The following DUOX2 variants were observed in gnomAD, a reference collection of about 807,000 sequenced individuals.
DUOX2 encodes the protein NADH/NADPH thyroid oxidase p138-tox.
In DUOX2, 185 loss-of-function variants were observed where a neutral mutation model predicts 183.3. The observed-to-expected ratio is 1.01, with a 90% CI of 0.90 to 1.14. The LOEUF is 1.14. DUOX2 is among the 50% of genes most tolerant of loss of function. The pLI, the probability that DUOX2 is intolerant of heterozygous loss-of-function variation, is 0.00. For missense variants in DUOX2, 1,999 were observed against 2,022.9 expected (o/e 0.99, Z 0.23); for synonymous variants, 788 against 812.4 (o/e 0.97, Z 0.51).
At chr15:45,101,559 G>C (rs906275319) in intron 21 of DUOX2, 7 of 628,858 alleles carry the variant, frequency 1.1e-5, no homozygotes, top group Non-Finnish European at 2.0e-5. Context: ...AGCAATGCCG[G>C]TGGCTTTGAG....
intron 11 of DUOX2, 109 bp from the exon 12 acceptor site, chr15:45,109,061 C>G: frequency 7.2e-7 from 1 of 1,385,860 alleles, no homozygotes; most frequent in East Asian, 2.4e-5. Context: ...CTGGCTACCC[C>G]CAGTGATCCA....
Position 45,100,196 on chromosome 15 carries a change from T to C in DUOX2, c.3038A>G (p.Glu1013Gly). ...AAVPTPRLYT[E>G]ALQEKMQRGF... ...TCGCTGCATCTTCTCTTGCAGCGCC[T>C]CTGTGTACAGCCGGGGAGTGGGCAC... The change falls in exon 24 of 34, where the codon GAG becomes GGG. Residue 1013 changes from glutamate to glycine, a missense_variant. Coordinates refer to ENST00000389039, the MANE Select transcript of DUOX2 (RefSeq NM_001363711.2). 1 of 1,614,072 alleles carries C rather than the reference T, an allele frequency of 6.2e-7. No homozygotes were observed. The highest frequency in any genetic ancestry group is 1.1e-5 in the South Asian group (1 of 91,086).
rs1894090980 is a variant in DUOX2 at position 45,101,852 on chromosome 15, T to TG, written c.2791dup (p.His931ProfsTer2). 1 of 1,614,242 alleles carries TG rather than the reference T, an allele frequency of 6.2e-7. No individual in the cohort carries two copies. The highest frequency in any genetic ancestry group is 1.3e-5 in the African/African-American group (1 of 75,064). On this transcript the variant is annotated frameshift_variant, in exon 21 of 34. Transcript: ENST00000389039. LOFTEE classifies it high-confidence loss of function. The stretch of plus-strand genomic sequence containing the variant: ...CTGCGTGAAGCGGAGCTCGCTGTCA[T>TG]GGTCCCGCAGCATGAAGTGAAAATC...
intron 21 of DUOX2, 25 bp downstream of exon 21, chr15:45,101,768 C>A (rs370200906): frequency 1.2e-6 from 2 of 1,614,180 alleles, no homozygotes; most frequent in Non-Finnish European, 1.7e-6. Context: ...CCCTCCCTGA[C>A]GCCAACCATT....
At chr15:45,113,113 T>TC in intron 2 of DUOX2, 37 bp from the exon 3 acceptor site, 1 of 1,597,568 alleles carries the variant, frequency 6.3e-7, no homozygotes. Flanking sequence ...AGCACTACGC[T>TC]CCCAGCTACC....
intron 24 of DUOX2, 57 bp downstream of exon 24, chr15:45,099,993 C>T (rs920908982): frequency 2.5e-6 from 4 of 1,613,444 alleles, no homozygotes; most frequent in Admixed American, 1.7e-5. Flanking sequence ...GCTTTCCACT[C>T]CTCTCCAAGG....
intron 20 of DUOX2, among the ~76,000 whole-genome samples, chr15:45,102,877 G>T (rs563517889): frequency 6.6e-6 from 1 of 152,244 alleles, no homozygotes; most frequent in Non-Finnish European, 1.5e-5. Flanking sequence ...AGCTACTTGG[G>T]AGGCTGAGGC....
chr15:45,108,092 CG>C lies in DUOX2; in HGVS notation c.1528del (p.Arg510GlyfsTer76). The C allele has an allele frequency of 6.2e-7, 1 of 1,614,066 alleles. No homozygotes were observed. The highest frequency in any genetic ancestry group is 8.5e-7 in the Non-Finnish European group (1 of 1,179,992). ...FSAIVLDQFV[R>X]LRDGDRYWFE... ...CCAGTAGCGGTCACCATCCCGCAGC[CG>C]TACAAACTGGTCGAGGACAATGGCA... is the stretch of plus-strand genomic sequence containing the variant. On this transcript the variant is annotated frameshift_variant, in exon 13 of 34. Transcript: ENST00000389039. LOFTEE classifies it high-confidence loss of function.
At position 45,102,374 on chromosome 15, in the gene DUOX2, G is replaced by T. The variant is rs574492949; in HGVS notation, c.2655-385C>A. ...TGGATTCCCCCTTTCATAGTCCAGT[G>T]GGGGCACCAGGCAGCCAGGTGCCAG... On this transcript the variant is annotated intron_variant, in intron 20 of 33. Coordinates refer to ENST00000389039, the MANE Select transcript of DUOX2 (RefSeq NM_001363711.2). Among the ~76,000 whole-genome samples the T allele has an allele frequency of 2.3e-3, 355 of 152,270 alleles. 4 individuals carry two copies. Among genetic ancestry groups the T allele is most frequent in the Non-Finnish European group, 2.7e-3 (186 of 68,016 alleles).
chr15:45,097,447 C>A lies in DUOX2; in HGVS notation c.3694-56G>T. 2.5e-6 allele frequency: 4 copies of A among 1,613,858 alleles called. No individual in the cohort carries two copies. In the South Asian group the frequency reaches 3.3e-5, roughly 13 times the overall value. On this transcript the variant is annotated intron_variant, in intron 28 of 33. Transcript: ENST00000389039. ...GCCCAGCCAGGCCCCTGCCCGGCAT[C>A]CCCTCTTGCCCAGGCACTAGGCCTG...
intron 26 of DUOX2, 89 bp downstream of exon 26, chr15:45,099,294 G>A: frequency 1.7e-6 from 2 of 1,206,086 alleles, no homozygotes; most frequent in South Asian, 1.3e-5. Flanking sequence ...ACAGGCGTGA[G>A]CCACCGCGCC....
intron 12 of DUOX2, chr15:45,108,431 C>T: frequency 1.6e-6 from 1 of 627,530 alleles, no homozygotes; most frequent in Non-Finnish European, 2.8e-6. Context: ...GTCAGGTGCC[C>T]TAGGACCATA....
At position 45,113,408 on chromosome 15, in the gene DUOX2, G is replaced by A. The variant is rs1223220595; in HGVS notation, c.4C>T (p.Leu2Phe). 2 of 1,562,204 alleles carry A rather than the reference G, an allele frequency of 1.3e-6. No homozygotes were observed. The highest frequency in any genetic ancestry group is 1.9e-5 in the Admixed American group (1 of 52,992). The change falls in exon 2 of 34, where the codon CTC (leucine) becomes TTC (phenylalanine). Residue 2 changes from leucine to phenylalanine, a missense_variant. Leu to Phe is a conservative substitution (Grantham distance 22). This residue lies in a region of DUOX2 where 356 missense variants were observed against 356.4 expected (regional missense o/e 1.00). Transcript: ENST00000389039. M[L>F]RARPEALMLL... ...ATCAGTGCCTCTGGTCTTGCACGGA[G>A]CATGCCAACCCTGCAGCCTGCGGGG...
intron 32 of DUOX2, 47 bp from the exon 33 acceptor site, chr15:45,094,738 C>G (rs754892057): frequency 6.2e-7 from 1 of 1,611,244 alleles, no homozygotes; most frequent in East Asian, 2.2e-5. Context: ...AGGGCCAGCA[C>G]TCAGCCCGAG....
rs750109349 is a variant in DUOX2 at position 45,109,999 on chromosome 15, G to T, written c.1041-19C>A. The T allele has an allele frequency of 6.2e-7, 1 of 1,611,250 alleles. No homozygotes were observed. The highest frequency in any genetic ancestry group is 1.1e-5 in the South Asian group (1 of 91,028). ...GGCATTTCTGAAATTGAGAACAAAG[G>T]ATGTGGTGAGGGAATTTGGAGAAGA... On this transcript the variant is annotated intron_variant, in intron 9 of 33. Coordinates refer to ENST00000389039, the MANE Select transcript of DUOX2 (RefSeq NM_001363711.2).
chr15:45,103,898 G>A, intron 20 of DUOX2, 62 bp downstream of exon 20: 1 of 1,571,446 alleles, frequency 6.4e-7, no homozygotes, highest in Admixed American at 1.7e-5. Context: ...CCTCTGACTG[G>A]ACCTGTTTTC....
At chr15:45,100,456 T>C in intron 23 of DUOX2, 1 of 609,292 alleles carries the variant, frequency 1.6e-6, no homozygotes, top group Non-Finnish European at 2.9e-6. Context: ...TCCTGTCTGT[T>C]TTATCCTTCT....
chr15:45,103,321 T>C (rs1006108572), intron 20 of DUOX2, among the ~76,000 whole-genome samples: 1 of 152,278 alleles, frequency 6.6e-6, no homozygotes, highest in Admixed American at 6.5e-5. Flanking sequence ...ATGAAATGCC[T>C]GCCCTGTGCC....
At chr15:45,111,687 C>T in intron 5 of DUOX2, 81 bp downstream of exon 5, 1 of 1,443,560 alleles carries the variant, frequency 6.9e-7, no homozygotes, top group South Asian at 1.5e-5. Context: ...GGCGCCTCTC[C>T]CCTCCAGGCC....
Sources: allele counts gnomAD v4.1 joint callset (sites outside exome capture counted in the v4.1 genomes callset), GRCh38; gene constraint gnomAD v4.1.1; regional missense constraint gnomAD v4.1.1; transcripts MANE v1.5; gene names NCBI Gene and HGNC (gene_info 2026-07-23, HGNC 2026-07-21).